Variants in PHTF1 observed in about 807,000 individuals in gnomAD.
PHTF1 encodes protein PHTF1.
In PHTF1, 88 loss-of-function variants were observed where a neutral mutation model predicts 102.4. The observed-to-expected ratio is 0.86, with a 90% confidence interval of 0.72 to 1.03. The LOEUF (loss-of-function observed/expected upper bound fraction) is 1.03, where lower values mean the gene tolerates loss of function less well. Ranked by LOEUF, PHTF1 falls within the 50% of genes least tolerant of loss-of-function variation. PHTF1 has a pLI of 0.00. For synonymous variants in PHTF1, 289 were observed against 305.2 expected, an observed-to-expected ratio of 0.95 and a Z score of 0.55; for missense variants, 814 against 909.5, an observed-to-expected ratio of 0.89 and a Z score of 1.35.
At chr1:113,702,395 AATAAC>A (rs1362255137) in intron 15 of PHTF1, among the ~76,000 whole-genome samples, 1 of 152,076 alleles carries the variant, frequency 6.6e-6, no homozygotes, top group Non-Finnish European at 1.5e-5. Flanking sequence ...TGGTTACAGT[AATAAC>A]ATTAAGTTTA....
rs1653855653 is a variant in PHTF1 at position 113,726,510 on chromosome 1, C to A, written c.396G>T (p.Leu132Phe). ...IVNISEVLGP[L>F]CLMLLMGTVH... ...CAGTTCCCATGAGTAGCATAAGGCA[C>A]AAGGGTCCAAGTACTTCACTTATGT... The change falls in exon 6 of 19, where the codon TTG (leucine) becomes TTT (phenylalanine). Residue 132 changes from leucine (L) to phenylalanine (F), a missense_variant. Physicochemically the swap from Leu to Phe is conservative, Grantham distance 22 (BLOSUM62 0). Coordinates refer to ENST00000369604, the MANE Select transcript of PHTF1 (RefSeq NM_001323043.2). 1.9e-6 allele frequency: 3 copies of A among 1,608,716 alleles called. No homozygotes were observed. In the South Asian group the frequency reaches 3.3e-5, roughly 18 times the overall value.
Position 113,708,844 on chromosome 1 carries a change from G to C in PHTF1, c.1269+1410C>G, listed in dbSNP as rs190632354. 1.4e-4 allele frequency among the ~76,000 whole-genome samples: 22 copies of C among 152,258 alleles called. No homozygotes were observed. In the Middle Eastern group the frequency reaches 0.014, roughly 94 times the overall value. On this transcript the variant is annotated intron_variant, in intron 11 of 18. Transcript: ENST00000369604. ...TCTCAAAGGAGGGGAGTGCTACGGA[G>C]ATCAACATCATCGTGATACTATGCA... is the stretch of plus-strand genomic sequence containing the variant.
At position 113,712,231 on chromosome 1, in the gene PHTF1, C is replaced by A. The variant is rs377382898; in HGVS notation, c.784-118G>T. ...TACCAAGCAGCAAAAGTAAACTAAC[C>A]CAAAACTGAACAAATCCATATATTA... On this transcript the variant is annotated intron_variant, in intron 8 of 18. Transcript: ENST00000369604. The A allele has an allele frequency of 8.4e-6, 6 of 710,760 alleles. No individual in the cohort carries two copies. In the South Asian group the frequency reaches 1.2e-4, roughly 14 times the overall value. The allele number at this position is 710,760 out of a possible 1,614,324, so 44.0% of individuals were successfully genotyped here.
chr1:113,718,070 T>C (rs1048938547), intron 7 of PHTF1, among the ~76,000 whole-genome samples: 3 of 152,146 alleles, frequency 2.0e-5, no homozygotes, highest in African/African-American at 7.2e-5. Context: ...CCCTTCCACC[T>C]ATGAGCCTGT....
intron 6 of PHTF1, 40 bp from the exon 7 acceptor site, chr1:113,724,933 C>T: frequency 3.4e-6 from 5 of 1,476,374 alleles, no homozygotes; most frequent in Non-Finnish European, 4.6e-6. Flanking sequence ...TTATTCAAGA[C>T]CCTTTCTATT....
chr1:113,707,367 C>A (rs1650372680), intron 11 of PHTF1, among the ~76,000 whole-genome samples: 1 of 152,184 alleles, frequency 6.6e-6, no homozygotes, highest in African/African-American at 2.4e-5. Flanking sequence ...CATATCATGT[C>A]TTATTCTTTA....
chr1:113,706,541 T>G lies in PHTF1; in HGVS notation c.1398+53A>C, dbSNP rs1295516104. On this transcript the variant is annotated intron_variant, in intron 12 of 18. Coordinates refer to ENST00000369604, the MANE Select transcript of PHTF1 (RefSeq NM_001323043.2). ...CACTAAGAGATTCTTATAAAATAGC[T>G]CCTGATCACTTCGTATATTTTTTGA... 5.5e-6 allele frequency: 8 copies of G among 1,460,994 alleles called. No homozygotes were observed. The East Asian group carries it at 1.6e-4, about 30-fold the overall frequency. 90.5% of individuals were successfully genotyped at this position (1,460,994 alleles called of 1,614,324 possible). A position where few individuals can be genotyped will look rare whatever the true frequency, so the allele number is the denominator to read the frequency against.
chr1:113,698,628 C>CAT (rs1163280054), intron 17 of PHTF1, among the ~76,000 whole-genome samples: 34 of 119,442 alleles, frequency 2.8e-4, no homozygotes, highest in African/African-American at 8.5e-4. Context: ...TATACACACA[C>CAT]ACACACACAC....
In PHTF1 at chr1:113,704,156, T is replaced by C; in HGVS notation, c.1815A>G (p.Pro605=). Residue 605 remains proline, a synonymous_variant, in exon 15 of 19, where the codon CCA becomes CCG. Transcript: ENST00000369604. ...SLRSYLKRRG[P]QRSVDVVVSS... Reference sequence around the variant, plus strand: ...ATACAACCACATCAACTGAACGCTGTGGCCCCCGTCTCTGTGGAGTGAGAC... The same window carrying C: ...ATACAACCACATCAACTGAACGCTGCGGCCCCCGTCTCTGTGGAGTGAGAC... 1 of 1,612,182 alleles carries C rather than the reference T, an allele frequency of 6.2e-7. No homozygotes were observed. The highest frequency in any genetic ancestry group is 8.5e-7 in the Non-Finnish European group (1 of 1,178,542).
At chr1:113,724,021 T>C (rs1653427266) in intron 7 of PHTF1, among the ~76,000 whole-genome samples, 1 of 152,140 alleles carries the variant, frequency 6.6e-6, no homozygotes, top group African/African-American at 2.4e-5. Context: ...TGTGAAAAGG[T>C]ACTCATATCA....
At chr1:113,752,621 T>TG (rs376587633) in intron 3 of PHTF1, among the ~76,000 whole-genome samples, 6 of 152,096 alleles carry the variant, frequency 3.9e-5, no homozygotes, top group African/African-American at 1.4e-4. Context: ...CCTGACCTCG[T>TG]GATCCACCCG....
chr1:113,752,385 ATTTTTTTT>A (rs774522219), intron 3 of PHTF1, among the ~76,000 whole-genome samples: 2 of 47,888 alleles, frequency 4.2e-5, no homozygotes, highest in African/African-American at 2.0e-4. Context: ...TGTTACTGTA[ATTTTTTTT>A]TTTTTTTTTT....
chr1:113,750,734 T>C (rs2101691520), intron 3 of PHTF1, among the ~76,000 whole-genome samples: 1 of 151,698 alleles, frequency 6.6e-6, no homozygotes, highest in East Asian at 2.0e-4. Flanking sequence ...CGTGCGCCTG[T>C]AATCCCAGCC....
At position 113,713,344 on chromosome 1, in the gene PHTF1, G is replaced by A; in HGVS notation, c.718C>T (p.Pro240Ser). Residue 240 changes from proline to serine, a missense_variant, in exon 8 of 19, where the codon CCA becomes TCA. Pro to Ser is a moderately conservative substitution (Grantham distance 74). Coordinates refer to ENST00000369604, the MANE Select transcript of PHTF1 (RefSeq NM_001323043.2). ...CTTGTTTGCCACATTCTAATCTCTG[G>A]TCGACATTGTCTCCTCTTAATGATA... ...HPIIKRRQCR[P>S]EIRMWQTREK... 6.2e-7 allele frequency: 1 copy of A among 1,612,626 alleles called. No individual in the cohort carries two copies. Among genetic ancestry groups the A allele is most frequent in the Non-Finnish European group, 8.5e-7 (1 of 1,178,748 alleles).
chr1:113,715,510 C>A (rs1417504324), intron 7 of PHTF1, among the ~76,000 whole-genome samples: 1 of 151,288 alleles, frequency 6.6e-6, no homozygotes, highest in Non-Finnish European at 1.5e-5. Flanking sequence ...TAGCTGGGTG[C>A]AATGGCATGT....
chr1:113,711,661 T>C, intron 10 of PHTF1, 85 bp downstream of exon 10: 3 of 979,852 alleles, frequency 3.1e-6, no homozygotes, highest in Non-Finnish European at 4.8e-6. Context: ...ATGTAAATGC[T>C]ACTTTAGGGC....
intron 15 of PHTF1, among the ~76,000 whole-genome samples, chr1:113,701,881 A>T (rs2101085660): frequency 6.7e-6 from 1 of 150,242 alleles, no homozygotes; most frequent in East Asian, 2.0e-4. Context: ...TGAAAGTGAT[A>T]AAATATATTT....
intron 16 of PHTF1, chr1:113,700,382 A>G (rs775483391): frequency 1.8e-5 from 3 of 165,914 alleles, no homozygotes; most frequent in Non-Finnish European, 2.5e-5. Flanking sequence ...CTTAGTGTCT[A>G]TTCACATACT....
intron 15 of PHTF1, among the ~76,000 whole-genome samples, chr1:113,703,511 G>GT (rs528743503): frequency 6.6e-6 from 1 of 151,826 alleles, no homozygotes; most frequent in African/African-American, 2.4e-5. Context: ...ATAGTAACAG[G>GT]TTTTTTTTGT....
Sources: allele counts gnomAD v4.1 joint callset (sites outside exome capture counted in the v4.1 genomes callset), GRCh38; gene constraint gnomAD v4.1.1; transcripts MANE v1.5; gene names NCBI Gene and HGNC (gene_info 2026-07-23, HGNC 2026-07-21).